PTPN21: variants seen among roughly 807,000 people sequenced by gnomAD.
PTPN21 encodes protein tyrosine phosphatase non-receptor type 21, also known as tyrosine-protein phosphatase non-receptor type 21.
PTPN21 carries 77 observed loss-of-function variants against 131.8 expected under a neutral mutation model. The ratio of observed to expected loss-of-function variants is 0.58; its 90% CI spans 0.49 to 0.71. The LOEUF is 0.71. Ranked by LOEUF, PTPN21 falls within the 30% of genes least tolerant of loss-of-function variation. The pLI, the probability that PTPN21 is intolerant of heterozygous loss-of-function variation, is 0.00. For synonymous variants in PTPN21, 715 were observed against 621.3 expected (o/e 1.15, Z -2.24); for missense variants, 1,552 against 1,527.1 (o/e 1.02, Z -0.27).
intron 5 of PTPN21, 129 bp downstream of exon 5, chr14:88,505,175 A>G: frequency 1.3e-6 from 1 of 762,050 alleles, no homozygotes; most frequent in Non-Finnish European, 2.1e-6. Context: ...GATGTTTATA[A>G]GAGGGAATTT....
At chr14:88,504,352 A>G (rs1030245554) in intron 6 of PTPN21, 73 bp downstream of exon 6, 2 of 1,180,462 alleles carry the variant, frequency 1.7e-6, no homozygotes, top group African/African-American at 3.1e-5. Context: ...TAAATTAAAT[A>G]TTTAATTGAA....
chr14:88,470,255 C>T (rs1049466184), intron 15 of PTPN21: 16 of 585,458 alleles, frequency 2.7e-5, no homozygotes, highest in Non-Finnish European at 4.8e-5. Flanking sequence ...TTTTTATAAA[C>T]TTAGGTACTG....
Position 88,480,337 on chromosome 14 carries a change from G to A in PTPN21, c.1094C>T (p.Pro365Leu). The change falls in exon 13 of 19, where the codon CCC becomes CTC. Residue 365 changes from proline to leucine, a missense_variant. Physicochemically the swap from Pro to Leu is moderately conservative, Grantham distance 98 (BLOSUM62 -3). Around this residue, in one of 4 missense-constraint regions of PTPN21, gnomAD observed 1,016 missense variants for 883.5 expected, o/e 1.15. Transcript: ENST00000556564. ...GTGACAGTAGTATCCGTTCTGGTTG[G>A]GCACAAAGAGGTTATCTAGAAAAAA... ...YASSQDNLFV[P>L]NQNGYYCHSQ... is the part of the protein sequence containing the mutation. The A allele has an allele frequency of 6.2e-7, 1 of 1,609,420 alleles. No homozygotes were observed.
At chr14:88,507,860 C>T (rs1436764603) in intron 4 of PTPN21, 63 bp downstream of exon 4, 8 of 975,304 alleles carry the variant, frequency 8.2e-6, no homozygotes, top group Non-Finnish European at 1.2e-5. Context: ...AAATCCCTTG[C>T]TATTTTGTTG....
chr14:88,473,139 T>C (rs1323930965), intron 14 of PTPN21, among the ~76,000 whole-genome samples: 1 of 152,088 alleles, frequency 6.6e-6, no homozygotes, highest in East Asian at 1.9e-4. Flanking sequence ...TTTTATGTCA[T>C]ACGATATATA....
intron 3 of PTPN21, chr14:88,512,543 G>C (rs149355881): frequency 6.6e-6 from 1 of 152,146 alleles, no homozygotes; most frequent in Non-Finnish European, 1.5e-5. Context: ...GTAGTCTCAT[G>C]GGGTCATTTG....
chr14:88,480,010 T>C lies in PTPN21; in HGVS notation c.1421A>G (p.Asn474Ser). ...HAERQSHSLR[N>S]LNIGSSYAYS... ...GGCGTACGAGCTGCCGATGTTGAGG[T>C]TTCGCAGCGAGTGGCTCTGCCGTTC... Residue 474 changes from asparagine (N) to serine (S), a missense_variant, in exon 13 of 19, where the codon AAC (asparagine) becomes AGC (serine). Physicochemically the swap from Asn to Ser is conservative, Grantham distance 46. Transcript: ENST00000556564. 6 of 1,613,228 alleles carry C rather than the reference T, an allele frequency of 3.7e-6. No individual in the cohort carries two copies. The highest frequency in any genetic ancestry group is 5.1e-6 in the Non-Finnish European group (6 of 1,180,002).
rs117713221 is a variant in PTPN21, at chr14:88,531,850, T to C, written c.181-14589A>G. Among the ~76,000 whole-genome samples the C allele has an allele frequency of 3.5e-3, 527 of 152,230 alleles. 21 individuals are homozygous for C. In the East Asian group the frequency reaches 0.073, roughly 21 times the overall value. ...TCTTTGAAAAGGTAAACAAAATTGA[T>C]TGACCATTAGCGAGATTAACCAAGA... On this transcript the variant is annotated intron_variant, in intron 2 of 18. Coordinates refer to ENST00000556564, the MANE Select transcript of PTPN21 (RefSeq NM_007039.4).
intron 2 of PTPN21, among the ~76,000 whole-genome samples, chr14:88,541,585 C>T (rs549633468): frequency 5.9e-5 from 9 of 152,250 alleles, no homozygotes; most frequent in Non-Finnish European, 7.4e-5. Context: ...ATGGATCTAC[C>T]ATCAGCAGGA....
rs764866808 is a variant in PTPN21 at position 88,469,544 on chromosome 14, CTG to C, written c.3188_3189del (p.Thr1063ArgfsTer4). 6.2e-7 allele frequency: 1 copy of C among 1,614,168 alleles called. No homozygotes were observed. Among genetic ancestry groups the C allele is most frequent in the Admixed American group, 1.7e-5 (1 of 60,024 alleles). On this transcript the variant is annotated frameshift_variant, in exon 17 of 19. Transcript: ENST00000556564. LOFTEE classifies it high-confidence loss of function. The surrounding 1 kb of genome is among the most constrained non-coding windows in gnomAD (Gnocchi z 4.3). The stretch of plus-strand genomic sequence containing the variant: ...TCTGGACAGCCATGTTCAGGCCAGT[CTG>C]TGTATTGGAGGTGCCAGACGGTCCT... ...QERTVWHLQY[T>X]DWPEHGCPED...
At position 88,467,872 on chromosome 14, in the gene PTPN21, C is replaced by A. The variant is rs1566802552; in HGVS notation, c.*265G>T. On this transcript the variant is annotated 3_prime_UTR_variant, in exon 19 of 19. Transcript: ENST00000556564. ...GAAAATACAATCTCCAAAATGTGTG[C>A]AAGTACTGCAAACCGGACAGACCGG... is the stretch of plus-strand genomic sequence containing the variant. The A allele has an allele frequency of 2.2e-6, 1 of 456,648 alleles. No homozygotes were observed. The highest frequency in any genetic ancestry group is 4.7e-5 in the East Asian group (1 of 21,422). 28.3% of individuals were successfully genotyped at this position (456,648 alleles called of 1,614,324 possible).
chr14:88,497,136 C>CA, intron 9 of PTPN21, 67 bp downstream of exon 9: 1 of 1,212,708 alleles, frequency 8.2e-7, no homozygotes, highest in South Asian at 1.2e-5. Flanking sequence ...CACATACAGG[C>CA]ACGCAGAAGT....
At chr14:88,502,277 G>A (rs1488366832) in intron 6 of PTPN21, among the ~76,000 whole-genome samples, 1 of 151,970 alleles carries the variant, frequency 6.6e-6, no homozygotes, top group Non-Finnish European at 1.5e-5. Flanking sequence ...AGCCCCTCTG[G>A]GCTTTTGCAC....
rs181878690 is a variant in PTPN21 at position 88,549,329 on chromosome 14, T to C, written c.180+909A>G. Among the ~76,000 whole-genome samples, 162 of 152,176 alleles carry C rather than the reference T, an allele frequency of 1.1e-3. 2 individuals carry two copies. The East Asian group carries it at 0.023, about 22-fold the overall frequency. ...TAGAGATCAGGATGACCTTTGGGGGTATATTAGAAAATGGAAATTTGAACA... is the reference window on the plus strand; with the variant it reads ...TAGAGATCAGGATGACCTTTGGGGGCATATTAGAAAATGGAAATTTGAACA... On this transcript the variant is annotated intron_variant, in intron 2 of 18. Coordinates refer to ENST00000556564, the MANE Select transcript of PTPN21 (RefSeq NM_007039.4).
At position 88,465,847 on chromosome 14, in the gene PTPN21, A is replaced by G. The variant is rs2077355296; in HGVS notation, c.*2290T>C. 6.6e-6 allele frequency: 1 copy of G among 152,190 alleles called. No homozygotes were observed. The highest frequency in any genetic ancestry group is 2.4e-5 in the African/African-American group (1 of 41,434). The allele number at this position is 152,190 out of a possible 1,614,324, so 9.4% of individuals were successfully genotyped here. A position where few individuals can be genotyped will look rare whatever the true frequency, so the allele number is the denominator to read the frequency against. On this transcript the variant is annotated 3_prime_UTR_variant, in exon 19 of 19. Coordinates refer to ENST00000556564, the MANE Select transcript of PTPN21 (RefSeq NM_007039.4). ...ACTGCAATTAAAAGTTTAAAATTAC[A>G]TGGCTCTTAGGAATGACGCCAAACA...
intron 12 of PTPN21, among the ~76,000 whole-genome samples, chr14:88,482,585 C>G (rs1447503915): frequency 6.6e-6 from 1 of 151,626 alleles, no homozygotes; most frequent in Non-Finnish European, 1.5e-5. Flanking sequence ...TGCACTCTAG[C>G]CTGGACAACA....
rs896811694 is a variant in PTPN21, at chr14:88,480,187, A to G, written c.1244T>C (p.Met415Thr). The G allele has an allele frequency of 5.0e-6, 8 of 1,614,064 alleles. No homozygotes were observed. The highest frequency in any genetic ancestry group is 5.9e-6 in the Non-Finnish European group (7 of 1,180,042). The stretch of plus-strand genomic sequence containing the variant: ...CCCGGTGATGCTAGGGTTGGACGAC[A>G]TCGGCGAGGGCTGCAAGTAGGGCTG... Reference protein sequence around the residue: ...NPQPYLQPSPMSSNPSITGSD... With the variant: ...NPQPYLQPSPTSSNPSITGSD... The change falls in exon 13 of 19, where the codon ATG (methionine) becomes ACG (threonine). Residue 415 changes from methionine (M) to threonine (T), a missense_variant. Met to Thr is a moderately conservative substitution (Grantham distance 81, BLOSUM62 -1). Transcript: ENST00000556564.
rs10459460 is a variant in PTPN21 at position 88,542,920 on chromosome 14, C to T, written c.180+7318G>A. Among the ~76,000 whole-genome samples, 428 of 152,176 alleles carry T rather than the reference C, an allele frequency of 2.8e-3. 15 individuals carry two copies. In the East Asian group the frequency reaches 0.076, roughly 27 times the overall value. On this transcript the variant is annotated intron_variant, in intron 2 of 18. Transcript: ENST00000556564. ...TACCTCGGTCTTACTTGTTTTATAA[C>T]GTACATACCTAAATGAATAACTACT... is the stretch of plus-strand genomic sequence containing the variant.
chr14:88,549,781 G>C (rs943323366), intron 2 of PTPN21, among the ~76,000 whole-genome samples: 1 of 102,862 alleles, frequency 9.7e-6, no homozygotes, highest in African/African-American at 3.8e-5. Context: ...TTTTTTTTTT[G>C]AGCAGGTGTC....
Sources: gnomAD v4.1 joint callset for allele counts (sites outside exome capture counted in the v4.1 genomes callset) on GRCh38, gnomAD v4.1.1 for gene constraint, gnomAD v4.1.1 regional missense constraint, Gnocchi (gnomAD v3.1) non-coding constraint, MANE v1.5 for transcripts, NCBI Gene and HGNC (gene_info 2026-07-23, HGNC 2026-07-21) for gene names.